VMP1: variants seen among roughly 807,000 people sequenced by gnomAD.
The protein encoded by VMP1 is vacuole membrane protein 1.
A neutral mutation model predicts 56.0 loss-of-function variants in VMP1; 11 were observed. The ratio of observed to expected loss-of-function variants is 0.20; its 90% CI spans 0.12 to 0.32. VMP1 has a LOEUF of 0.32. Among genes scored for constraint, VMP1 ranks in the 10% least tolerant of loss-of-function variants. VMP1 has a pLI of 1.00. For missense variants in VMP1, 296 were observed against 490.3 expected, an observed-to-expected ratio of 0.60 and a Z score of 3.74; for synonymous variants, 149 against 165.0, an observed-to-expected ratio of 0.90 and a Z score of 0.74.
intron 10 of VMP1, among the ~76,000 whole-genome samples, chr17:59,824,307 C>T (rs942623337): frequency 2.0e-5 from 3 of 151,308 alleles, no homozygotes; most frequent in Non-Finnish European, 4.4e-5. Flanking sequence ...CATGATGGCT[C>T]ACATCTATAA....
At position 59,842,022 on chromosome 17, in the gene VMP1, G is replaced by C. The variant is rs2039171685; in HGVS notation, c.*2111G>C. ...TTCCTCTTTTAAGTGTTCAGCTGTG[G>C]CATGCTCAGAGGTTCCTGCTGGATT... is the stretch of plus-strand genomic sequence containing the variant. On this transcript the variant is annotated 3_prime_UTR_variant, in exon 12 of 12. Transcript: ENST00000262291. 6.6e-6 allele frequency: 1 copy of C among 152,186 alleles called. No homozygotes were observed. Among genetic ancestry groups the C allele is most frequent in the Non-Finnish European group, 1.5e-5 (1 of 68,042 alleles). 9.4% of individuals were successfully genotyped at this position (152,186 alleles called of 1,614,324 possible).
At chr17:59,745,004 G>A (rs2035372322) in intron 5 of VMP1, among the ~76,000 whole-genome samples, 1 of 152,124 alleles carries the variant, frequency 6.6e-6, no homozygotes, top group Non-Finnish European at 1.5e-5. Flanking sequence ...CAACAAAAAA[G>A]GCAAACATCA....
intron 5 of VMP1, among the ~76,000 whole-genome samples, chr17:59,760,766 G>A (rs1012947113): frequency 6.6e-6 from 1 of 151,580 alleles, no homozygotes; most frequent in Non-Finnish European, 1.5e-5. Context: ...GATTACAGGT[G>A]CGCACCACCA....
Position 59,811,472 on chromosome 17 carries a change from G to A in VMP1, c.796-198G>A, listed in dbSNP as rs117316671. On this transcript the variant is annotated intron_variant, in intron 8 of 11. Transcript: ENST00000262291. ...GCTGTGAGCAGATTGAACACCTAAG[G>A]TGAATATGAGACCCAGCTTCTAGAC... Among the ~76,000 whole-genome samples the A allele has an allele frequency of 9.9e-3, 1,514 of 152,270 alleles. 11 individuals are homozygous for A. The highest frequency in any genetic ancestry group is 0.015 in the Non-Finnish European group (988 of 68,022).
At chr17:59,775,679 C>T (rs1035004083) in intron 7 of VMP1, among the ~76,000 whole-genome samples, 11 of 152,140 alleles carry the variant, frequency 7.2e-5, no homozygotes, top group African/African-American at 2.7e-4. Flanking sequence ...TTCAGACTTG[C>T]CTTTGCCTCA....
chr17:59,816,953 AAAAAAG>A (rs2038257484), intron 9 of VMP1, among the ~76,000 whole-genome samples: 2 of 147,420 alleles, frequency 1.4e-5, no homozygotes, highest in African/African-American at 5.1e-5. Context: ...CTCAAAAAAA[AAAAAAG>A]AAAAAAGAAA....
At chr17:59,834,420 G>A (rs1290119730) in intron 10 of VMP1, among the ~76,000 whole-genome samples, 2 of 151,960 alleles carry the variant, frequency 1.3e-5, no homozygotes, top group African/African-American at 2.4e-5. Flanking sequence ...ATGTGCCACC[G>A]TGCCTGGCTA....
At chr17:59,762,707 T>C (rs925654679) in intron 5 of VMP1, among the ~76,000 whole-genome samples, 2 of 152,160 alleles carry the variant, frequency 1.3e-5, no homozygotes, top group Admixed American at 6.5e-5. Context: ...ATGGAAAATA[T>C]ATGTCAGTTT....
chr17:59,747,842 C>T (rs994636139), intron 5 of VMP1, among the ~76,000 whole-genome samples: 2 of 151,868 alleles, frequency 1.3e-5, no homozygotes, highest in Non-Finnish European at 2.9e-5. Context: ...CTGCAGTGAG[C>T]TATGATTGTC....
chr17:59,819,262 A>G (rs1208700215), intron 10 of VMP1, among the ~76,000 whole-genome samples: 1 of 152,154 alleles, frequency 6.6e-6, no homozygotes, highest in Non-Finnish European at 1.5e-5. Context: ...GTGACCATAT[A>G]TCACATAAAG....
At chr17:59,809,504 T>A in intron 8 of VMP1, among the ~76,000 whole-genome samples, 1 of 35,904 alleles carries the variant, frequency 2.8e-5, no homozygotes, top group Non-Finnish European at 7.3e-5. Context: ...TTTTTTTTTT[T>A]TTTTTTTTTT....
intron 1 of VMP1, among the ~76,000 whole-genome samples, chr17:59,722,289 A>T (rs1187034783): frequency 6.6e-6 from 1 of 152,174 alleles, no homozygotes; most frequent in African/African-American, 2.4e-5. Context: ...TGGTAAGATG[A>T]TCAAAGCCGT....
At chr17:59,807,285 C>T (rs2037878388) in intron 7 of VMP1, among the ~76,000 whole-genome samples, 1 of 151,040 alleles carries the variant, frequency 6.6e-6, no homozygotes, top group Admixed American at 6.6e-5. Flanking sequence ...GCAAACTCTG[C>T]CTCCCGGGTT....
At chr17:59,741,644 A>G (rs1045146613) in intron 5 of VMP1, among the ~76,000 whole-genome samples, 2 of 152,168 alleles carry the variant, frequency 1.3e-5, no homozygotes, top group African/African-American at 4.8e-5. Context: ...ATATAACATG[A>G]TGTTATAAGA....
chr17:59,743,364 T>C (rs971227870), intron 5 of VMP1, among the ~76,000 whole-genome samples: 1 of 152,134 alleles, frequency 6.6e-6, no homozygotes, highest in African/African-American at 2.4e-5. Flanking sequence ...GGTATGATCC[T>C]TTTCTGACCG....
At chr17:59,838,063 T>G (rs17681660) in intron 10 of VMP1, 20,778 of 306,154 alleles carry the variant, frequency 0.068, 1,272 homozygotes, top group Non-Finnish European at 0.089. Context: ...TGGGAGAGAT[T>G]TTGGTTTTTA....
intron 6 of VMP1, among the ~76,000 whole-genome samples, chr17:59,771,204 C>CA (rs2092109166): frequency 6.7e-6 from 1 of 149,672 alleles, no homozygotes; most frequent in South Asian, 2.1e-4. Flanking sequence ...GACAGGGTCT[C>CA]ACTCTGTCAC....
intron 5 of VMP1, among the ~76,000 whole-genome samples, chr17:59,754,978 G>GCCCAC (rs2035783521): frequency 7.7e-6 from 1 of 129,968 alleles, no homozygotes; most frequent in African/African-American, 2.9e-5. Flanking sequence ...ATTTATACTA[G>GCCCAC]CCCCCCCCGC....
intron 10 of VMP1, among the ~76,000 whole-genome samples, chr17:59,832,497 G>A (rs1012030530): frequency 2.0e-5 from 3 of 152,000 alleles, no homozygotes; most frequent in Non-Finnish European, 4.4e-5. Context: ...TAGTCCTGCA[G>A]TTGACTGAAA....
Sources: allele counts gnomAD v4.1 joint callset (sites outside exome capture counted in the v4.1 genomes callset), GRCh38; gene constraint gnomAD v4.1.1; transcripts MANE v1.5; gene names NCBI Gene and HGNC (gene_info 2026-07-23, HGNC 2026-07-21).